The following STOX1 variants were observed in gnomAD, a reference collection of about 807,000 sequenced individuals.
STOX1 encodes storkhead-box protein 1.
A neutral mutation model predicts 74.8 loss-of-function variants in STOX1; 57 were observed. The ratio of observed to expected loss-of-function variants is 0.76; its 90% CI spans 0.62 to 0.95. The LOEUF (loss-of-function observed/expected upper bound fraction) is 0.95. STOX1 is among the 40% of genes least tolerant of loss of function. The probability of loss-of-function intolerance (pLI) is 0.00; values close to 1 mark genes in which losing one functional copy is unlikely to be tolerated. For synonymous variants in STOX1, 375 were observed against 401.3 expected (o/e 0.93, Z 0.78); for missense variants, 1,010 against 1,117.0 (o/e 0.90, Z 1.37).
intron 3 of STOX1, among the ~76,000 whole-genome samples, chr10:68,889,461 A>G (rs1841047855): frequency 6.6e-6 from 1 of 151,936 alleles, no homozygotes; most frequent in Admixed American, 6.6e-5. Context: ...AGGGCTTAAT[A>G]AAAGTATTTT....
chr10:68,844,648 GT>G (rs1388390918), intron 1 of STOX1, among the ~76,000 whole-genome samples: 5 of 151,998 alleles, frequency 3.3e-5, no homozygotes, highest in African/African-American at 4.8e-5. Context: ...CATGAAAAAA[GT>G]TTTTTTCCTT....
In STOX1 at chr10:68,882,209, T is replaced by G. The variant is rs561575943; in HGVS notation, c.463+99T>G. 9.2e-5 allele frequency: 109 copies of G among 1,188,804 alleles called. 1 individual carries two copies. The Middle Eastern group carries it at 1.1e-3, about 12-fold the overall frequency. The allele number at this position is 1,188,804 out of a possible 1,614,324, so 73.6% of individuals were successfully genotyped here. A position where few individuals can be genotyped will look rare whatever the true frequency, so the allele number is the denominator to read the frequency against. ...ACATAAACTGGGTGATATCCTTTTT[T>G]CCCCTCTTCTATAGAACTTTATATC... On this transcript the variant is annotated intron_variant, in intron 2 of 3. Transcript: ENST00000298596.
rs187641828 is a variant in STOX1, at chr10:68,845,749, A to C, written c.310+17816A>C. Among the ~76,000 whole-genome samples, 459 of 150,622 alleles carry C rather than the reference A, an allele frequency of 3.0e-3. 3 individuals carry two copies. The highest frequency in any genetic ancestry group is 0.011 in the African/African-American group (438 of 41,040). On this transcript the variant is annotated intron_variant, in intron 1 of 3. Coordinates refer to ENST00000298596, the MANE Select transcript of STOX1 (RefSeq NM_152709.5). ...CCCGAGTATCTGGGATTATAGGCGC[A>C]TGCCACCACGCCTGGCTAATTTTTG...
At position 68,845,747 on chromosome 10, in the gene STOX1, G is replaced by A. The variant is rs182958164; in HGVS notation, c.310+17814G>A. Among the ~76,000 whole-genome samples, 455 of 151,504 alleles carry A rather than the reference G, an allele frequency of 3.0e-3. 3 individuals are homozygous for A. Among genetic ancestry groups the A allele is most frequent in the African/African-American group, 0.011 (436 of 41,294 alleles). ...CTCCCGAGTATCTGGGATTATAGGCGCATGCCACCACGCCTGGCTAATTTT... is the reference window on the plus strand; with the variant it reads ...CTCCCGAGTATCTGGGATTATAGGCACATGCCACCACGCCTGGCTAATTTT... On this transcript the variant is annotated intron_variant, in intron 1 of 3. Coordinates refer to ENST00000298596, the MANE Select transcript of STOX1 (RefSeq NM_152709.5).
Position 68,884,632 on chromosome 10 carries a change from T to A in STOX1, c.836T>A (p.Val279Glu). 2 of 1,614,008 alleles carry A rather than the reference T, an allele frequency of 1.2e-6. No individual in the cohort carries two copies. The highest frequency in any genetic ancestry group is 1.7e-6 in the Non-Finnish European group (2 of 1,180,036). The change falls in exon 3 of 4, where the codon GTA (valine) becomes GAA (glutamate). Residue 279 changes from valine (V) to glutamate (E), a missense_variant. Coordinates refer to ENST00000298596, the MANE Select transcript of STOX1 (RefSeq NM_152709.5). ...HRGLGESVSW[V>E]QNGAVSVSAE... ...GGTCTTGGGGAATCCGTATCTTGGG[T>A]ACAGAATGGGGCAGTTTCAGTGTCT... is the stretch of plus-strand genomic sequence containing the variant.
chr10:68,845,707 T>G (rs1698617523), intron 1 of STOX1, among the ~76,000 whole-genome samples: 1 of 151,778 alleles, frequency 6.6e-6, no homozygotes, highest in South Asian at 2.1e-4. Context: ...GTTCAAGCGA[T>G]TCTTCTGTCT....
intron 3 of STOX1, among the ~76,000 whole-genome samples, chr10:68,891,842 CAG>C (rs1238017890): frequency 1.3e-5 from 2 of 151,106 alleles, no homozygotes; most frequent in African/African-American, 4.9e-5. Flanking sequence ...GTGTGTGTGA[CAG>C]AGTCTCACTC....
intron 1 of STOX1, among the ~76,000 whole-genome samples, chr10:68,881,197 A>C (rs965158507): frequency 6.6e-6 from 1 of 152,118 alleles, no homozygotes; most frequent in African/African-American, 2.4e-5. Context: ...CCAATACTCA[A>C]CCTGAGTAAT....
chr10:68,842,717 T>C (rs1839725686), intron 1 of STOX1, among the ~76,000 whole-genome samples: 1 of 142,496 alleles, frequency 7.0e-6, no homozygotes, highest in African/African-American at 2.7e-5. Flanking sequence ...TTTTTTGTAT[T>C]TTTAGTAGAG....
intron 1 of STOX1, among the ~76,000 whole-genome samples, chr10:68,880,164 C>CTTTTT (rs71028800): frequency 1.1e-3 from 132 of 124,350 alleles, no homozygotes; most frequent in Non-Finnish European, 1.4e-3. Context: ...TCTTTCTTTC[C>CTTTTT]TTTTTTTTTT....
At chr10:68,843,996 C>T (rs1402612528) in intron 1 of STOX1, among the ~76,000 whole-genome samples, 5 of 151,900 alleles carry the variant, frequency 3.3e-5, no homozygotes, top group Admixed American at 1.3e-4. Flanking sequence ...CTGGCTAACA[C>T]GGTGAAGCCC....
chr10:68,888,222 C>T (rs563750116), intron 3 of STOX1, among the ~76,000 whole-genome samples: 2 of 151,876 alleles, frequency 1.3e-5, no homozygotes, highest in African/African-American at 4.8e-5. Flanking sequence ...TGGTTCAGTC[C>T]CCCAAGTAGC....
In STOX1 at chr10:68,827,635, C is replaced by G; in HGVS notation, c.12C>G (p.Pro4=). ...CCGCCGGCGAAAGCATGGCCCGGCC[C>G]GTGCAGCTGGCGCCGGGCTCGCTGG... The part of the protein sequence containing the change: MAR[P]VQLAPGSLAL... Residue 4 remains proline (P), a synonymous_variant, in exon 1 of 4, where the codon CCC becomes CCG. Transcript: ENST00000298596. 1 of 1,147,144 alleles carries G rather than the reference C, an allele frequency of 8.7e-7. No individual in the cohort carries two copies. The highest frequency in any genetic ancestry group is 1.1e-6 in the Non-Finnish European group (1 of 933,618). 71.1% of individuals were successfully genotyped at this position (1,147,144 alleles called of 1,614,324 possible). A position where few individuals can be genotyped will look rare whatever the true frequency, so the allele number is the denominator to read the frequency against.
chr10:68,886,163 T>C lies in STOX1; in HGVS notation c.2367T>C (p.Val789=), dbSNP rs1349505414. 2 of 1,614,148 alleles carry C rather than the reference T, an allele frequency of 1.2e-6. No homozygotes were observed. Among genetic ancestry groups the C allele is most frequent in the Non-Finnish European group, 1.7e-6 (2 of 1,180,016 alleles). Residue 789 remains valine (V), a synonymous_variant, in exon 3 of 4, where the codon GTT becomes GTC. Transcript: ENST00000298596. ...LTEYNSTMER[V]ESQVLKRNEC... ...AGTACAACAGCACAATGGAGAGGGTTGAGTCTCAGGTGCTTAAAAGAAATG... is the reference window on the plus strand; with the variant it reads ...AGTACAACAGCACAATGGAGAGGGTCGAGTCTCAGGTGCTTAAAAGAAATG...
intron 1 of STOX1, among the ~76,000 whole-genome samples, chr10:68,880,164 C>CTTTTTTTTTTTTTTTTTG (rs1840777220): frequency 8.0e-6 from 1 of 124,416 alleles, no homozygotes; most frequent in Non-Finnish European, 1.7e-5. Context: ...TCTTTCTTTC[C>CTTTTTTTTTTTTTTTTTG]TTTTTTTTTT....
At chr10:68,857,922 G>A (rs1241923250) in intron 1 of STOX1, among the ~76,000 whole-genome samples, 3 of 152,066 alleles carry the variant, frequency 2.0e-5, no homozygotes, top group Non-Finnish European at 2.9e-5. Flanking sequence ...GAGAGGGGAT[G>A]TCTCATAAGT....
chr10:68,846,392 C>A (rs188000113), intron 1 of STOX1, among the ~76,000 whole-genome samples: 1 of 152,194 alleles, frequency 6.6e-6, no homozygotes, highest in African/African-American at 2.4e-5. Flanking sequence ...TCAGTTGATC[C>A]ACCTGCCCCG....
At chr10:68,888,210 C>T (rs544062928) in intron 3 of STOX1, among the ~76,000 whole-genome samples, 2 of 152,158 alleles carry the variant, frequency 1.3e-5, no homozygotes, top group East Asian at 1.9e-4. Context: ...AAGCAATTCT[C>T]CTGGTTCAGT....
At chr10:68,866,945 G>GTTTTTTTT (rs71474450) in intron 1 of STOX1, among the ~76,000 whole-genome samples, 2 of 124,988 alleles carry the variant, frequency 1.6e-5, no homozygotes, top group African/African-American at 3.0e-5. Context: ...TGCTTTCCTT[G>GTTTTTTTT]TTTTTTTTTT....
Sources: allele counts gnomAD v4.1 joint callset (sites outside exome capture counted in the v4.1 genomes callset), GRCh38; gene constraint gnomAD v4.1.1; transcripts MANE v1.5; gene names NCBI Gene and HGNC (gene_info 2026-07-23, HGNC 2026-07-21).